Variants in COL26A1 observed in about 807,000 individuals in gnomAD.
COL26A1 encodes the protein collagen alpha-1(XXVI) chain.
COL26A1 carries 41 observed loss-of-function variants against 59.3 expected under a neutral mutation model. The observed-to-expected ratio is 0.69, with a 90% CI of 0.54 to 0.90. COL26A1 has a LOEUF of 0.90. COL26A1 is among the 40% of genes least tolerant of loss of function. The pLI, the probability that COL26A1 is intolerant of heterozygous loss-of-function variation, is 0.00. For missense variants in COL26A1, 612 were observed against 602.3 expected, an observed-to-expected ratio of 1.02 and a Z score of -0.17; for synonymous variants, 266 against 256.0, an observed-to-expected ratio of 1.04 and a Z score of -0.37.
intron 1 of COL26A1, among the ~76,000 whole-genome samples, chr7:101,414,404 C>CTT (rs1792322424): frequency 1.3e-5 from 2 of 149,712 alleles, no homozygotes; most frequent in Admixed American, 1.4e-4. Flanking sequence ...CTCTCTCTCT[C>CTT]TCGCTCGCTC....
intron 5 of COL26A1, 84 bp downstream of exon 5, chr7:101,540,133 A>G (rs894169632): frequency 9.1e-5 from 122 of 1,335,122 alleles, no homozygotes; most frequent in Non-Finnish European, 1.2e-4. Context: ...TAGAGAGGCC[A>G]CACACTAGAC....
chr7:101,380,092 A>C (rs1791411837), intron 1 of COL26A1, among the ~76,000 whole-genome samples: 1 of 151,822 alleles, frequency 6.6e-6, no homozygotes, highest in Non-Finnish European at 1.5e-5. Context: ...CCCGGGTTTA[A>C]GTGATCCTTC....
At chr7:101,447,329 G>A (rs571653324) in intron 2 of COL26A1, among the ~76,000 whole-genome samples, 5 of 152,312 alleles carry the variant, frequency 3.3e-5, no homozygotes, top group African/African-American at 1.2e-4. Flanking sequence ...AGGTAAGAAG[G>A]GGGTCTTTTT....
rs193166407 is a variant in COL26A1 at position 101,525,432 on chromosome 7, C to T, written c.386-7650C>T. Among the ~76,000 whole-genome samples the T allele has an allele frequency of 3.2e-3, 482 of 149,220 alleles. 5 individuals carry two copies. Among genetic ancestry groups the T allele is most frequent in the Non-Finnish European group, 4.2e-3 (281 of 67,328 alleles). On this transcript the variant is annotated intron_variant, in intron 3 of 12. Transcript: ENST00000313669. The stretch of plus-strand genomic sequence containing the variant: ...TCCTGAAGTCGTGATCTGCCCTCCT[C>T]AGCCTCCCAAAGTGCTGAGATTACA...
intron 3 of COL26A1, among the ~76,000 whole-genome samples, chr7:101,478,132 AC>A (rs1213841534): frequency 1.3e-5 from 2 of 152,018 alleles, no homozygotes; most frequent in African/African-American, 4.8e-5. Flanking sequence ...ACAGGTGCTC[AC>A]CACTACGCCC....
At chr7:101,490,803 A>G (rs1450735179) in intron 3 of COL26A1, among the ~76,000 whole-genome samples, 1 of 152,104 alleles carries the variant, frequency 6.6e-6, no homozygotes, top group Non-Finnish European at 1.5e-5. Context: ...GTTCGAGACC[A>G]GCCTGGACAA....
chr7:101,460,300 G>A (rs112993342), intron 3 of COL26A1, among the ~76,000 whole-genome samples: 5,842 of 152,184 alleles, frequency 0.038, 142 homozygotes, highest in African/African-American at 0.075. Flanking sequence ...CGATTGAGGT[G>A]TTGTGAGATT....
intron 4 of COL26A1, among the ~76,000 whole-genome samples, chr7:101,536,996 G>C (rs1002192818): frequency 6.6e-6 from 1 of 152,228 alleles, no homozygotes; most frequent in Non-Finnish European, 1.5e-5. Context: ...TGGTTGCAAG[G>C]GAGCTGGGAA....
chr7:101,461,760 G>A (rs569568008), intron 3 of COL26A1, among the ~76,000 whole-genome samples: 16 of 152,290 alleles, frequency 1.1e-4, no homozygotes, highest in African/African-American at 3.4e-4. Context: ...GAGAAGGGAA[G>A]GGCTTTGGTC....
intron 3 of COL26A1, among the ~76,000 whole-genome samples, chr7:101,496,093 A>T (rs77371893): frequency 2.1e-4 from 32 of 152,104 alleles, no homozygotes; most frequent in African/African-American, 4.8e-4. Flanking sequence ...GGAAAAAAAT[A>T]AAAAAGGCGG....
intron 3 of COL26A1, among the ~76,000 whole-genome samples, chr7:101,465,238 C>G (rs934771114): frequency 2.0e-5 from 3 of 151,880 alleles, no homozygotes. Context: ...TAGGTTCTCG[C>G]TATGTTGCTG....
intron 8 of COL26A1, among the ~76,000 whole-genome samples, chr7:101,548,378 C>T (rs1795784919): frequency 1.3e-5 from 2 of 152,226 alleles, no homozygotes; most frequent in Non-Finnish European, 2.9e-5. Flanking sequence ...CCTCCCTGAG[C>T]TGGGCACACA....
At chr7:101,533,923 T>C (rs1267709500) in intron 4 of COL26A1, among the ~76,000 whole-genome samples, 1 of 152,172 alleles carries the variant, frequency 6.6e-6, no homozygotes, top group Non-Finnish European at 1.5e-5. Flanking sequence ...GAGTTGCAGG[T>C]GGCCACAGGC....
intron 1 of COL26A1, among the ~76,000 whole-genome samples, chr7:101,386,544 G>A (rs189979992): frequency 1.3e-5 from 2 of 152,180 alleles, no homozygotes; most frequent in Non-Finnish European, 2.9e-5. Flanking sequence ...CAGCTGAACC[G>A]CAGGCCCCTG....
chr7:101,413,885 G>A (rs1267484362), intron 1 of COL26A1, among the ~76,000 whole-genome samples: 1 of 152,158 alleles, frequency 6.6e-6, no homozygotes, highest in Non-Finnish European at 1.5e-5. Flanking sequence ...CACCTTTCTG[G>A]GTGCAGTTAT....
intron 1 of COL26A1, among the ~76,000 whole-genome samples, chr7:101,409,154 C>T (rs904182526): frequency 6.6e-6 from 1 of 152,024 alleles, no homozygotes; most frequent in African/African-American, 2.4e-5. Flanking sequence ...GAAGAGAAAC[C>T]ACTCCATGCG....
chr7:101,366,824 T>A (rs987985572), intron 1 of COL26A1, among the ~76,000 whole-genome samples: 1 of 152,150 alleles, frequency 6.6e-6, no homozygotes, highest in African/African-American at 2.4e-5. Context: ...TAATTGTTAG[T>A]TTGTTCAAAT....
chr7:101,536,312 C>A (rs1795481927), intron 4 of COL26A1, among the ~76,000 whole-genome samples: 1 of 152,266 alleles, frequency 6.6e-6, no homozygotes, highest in Non-Finnish European at 1.5e-5. Flanking sequence ...CTGTGCCTGG[C>A]CCCACTGGCA....
At chr7:101,522,166 C>T (rs1795153390) in intron 3 of COL26A1, among the ~76,000 whole-genome samples, 1 of 152,048 alleles carries the variant, frequency 6.6e-6, no homozygotes, top group African/African-American at 2.4e-5. Flanking sequence ...GGCTCCCAAC[C>T]CTCCCTCACA....
Sources: gnomAD v4.1 joint callset for allele counts (sites outside exome capture counted in the v4.1 genomes callset) on GRCh38, gnomAD v4.1.1 for gene constraint, MANE v1.5 for transcripts, NCBI Gene and HGNC (gene_info 2026-07-23, HGNC 2026-07-21) for gene names.